The following PRR5L variants were observed in gnomAD, a reference collection of about 807,000 sequenced individuals.
PRR5L encodes proline rich 5 like.
PRR5L carries 21 observed loss-of-function variants against 36.4 expected under a neutral mutation model. The ratio of observed to expected loss-of-function variants is 0.58; its 90% CI spans 0.41 to 0.83. The LOEUF is 0.83. Ranked by LOEUF, PRR5L falls within the 40% of genes least tolerant of loss-of-function variation. PRR5L has a pLI of 0.00. For missense variants in PRR5L, 381 were observed against 473.3 expected (o/e 0.80, Z 1.81); for synonymous variants, 188 against 197.0 (o/e 0.95, Z 0.38).
intron 4 of PRR5L, chr11:36,425,551 C>T (rs954958778): frequency 1.3e-5 from 2 of 152,178 alleles, no homozygotes; most frequent in African/African-American, 2.4e-5. Context: ...CTTTTTAAGG[C>T]CCCAATGCAC....
Position 36,313,706 on chromosome 11 carries a change from A to C in PRR5L, c.-126+17268A>C, listed in dbSNP as rs544447070. ...AAGGTTCCAGAAGCAGCCAACCTGT[A>C]GTTTTAACAGCATGATTGACCTTGT... On this transcript the variant is annotated intron_variant, in intron 1 of 8. Transcript: ENST00000530639. 3.3e-5 allele frequency among the ~76,000 whole-genome samples: 5 copies of C among 152,360 alleles called. No individual in the cohort carries two copies. In the East Asian group the frequency reaches 9.6e-4, roughly 29 times the overall value.
chr11:36,397,521 A>C lies in PRR5L; in HGVS notation c.-125-3476A>C, dbSNP rs1327341893. On this transcript the variant is annotated intron_variant, in intron 1 of 8. Transcript: ENST00000530639. ...GCCCAGGCTGGAGTGCAGTGGTGCC[A>C]TCTTGGCTCACTGCAACCTCCACCT... Among the ~76,000 whole-genome samples the C allele has an allele frequency of 3.3e-5, 4 of 119,836 alleles. No individual in the cohort carries two copies. The East Asian group carries it at 9.9e-4, about 30-fold the overall frequency. The allele number at this position is 119,836 out of a possible 152,430, so 78.6% of individuals were successfully genotyped here.
At chr11:36,381,219 T>G (rs1457277919) in intron 1 of PRR5L, among the ~76,000 whole-genome samples, 1 of 152,164 alleles carries the variant, frequency 6.6e-6, no homozygotes, top group Non-Finnish European at 1.5e-5. Context: ...ACATTACCTA[T>G]TACAGAACTT....
At chr11:36,362,651 C>T (rs1857103193) in intron 1 of PRR5L, among the ~76,000 whole-genome samples, 1 of 152,214 alleles carries the variant, frequency 6.6e-6, no homozygotes, top group African/African-American at 2.4e-5. Flanking sequence ...CTCCCTTCTT[C>T]TCTCCACCCA....
chr11:36,446,601 T>C (rs1241042167), intron 7 of PRR5L, among the ~76,000 whole-genome samples, 161 bp downstream of exon 7: 4 of 152,208 alleles, frequency 2.6e-5, no homozygotes, highest in Non-Finnish European at 4.4e-5. Context: ...ATTCATTTGT[T>C]CATTTGAGGT....
chr11:36,403,742 T>C (rs1327521964), intron 3 of PRR5L, among the ~76,000 whole-genome samples: 1 of 152,220 alleles, frequency 6.6e-6, no homozygotes, highest in East Asian at 1.9e-4. Context: ...GAGGTTTTAT[T>C]GTGTTCTTCC....
chr11:36,313,421 G>C (rs908012349), intron 1 of PRR5L, among the ~76,000 whole-genome samples: 2 of 152,196 alleles, frequency 1.3e-5, no homozygotes, highest in Non-Finnish European at 1.5e-5. Context: ...AGTTATGTAT[G>C]TTTCAAGTTT....
At chr11:36,417,644 T>C (rs1858174875) in intron 3 of PRR5L, among the ~76,000 whole-genome samples, 1 of 152,226 alleles carries the variant, frequency 6.6e-6, no homozygotes, top group African/African-American at 2.4e-5. Context: ...TCAACGTGTG[T>C]TTGTGGCTTT....
At chr11:36,445,485 T>C (rs967244921) in intron 6 of PRR5L, among the ~76,000 whole-genome samples, 1 of 152,150 alleles carries the variant, frequency 6.6e-6, no homozygotes, top group Non-Finnish European at 1.5e-5. Flanking sequence ...TAGTGCATGT[T>C]GTATGTATTG....
chr11:36,364,127 CTG>C, intron 1 of PRR5L, among the ~76,000 whole-genome samples: 1 of 152,296 alleles, frequency 6.6e-6, no homozygotes, highest in East Asian at 1.9e-4. Flanking sequence ...ACTTACCTCT[CTG>C]TGCTTCAGTT....
At chr11:36,450,736 C>A (rs573032355) in intron 7 of PRR5L, among the ~76,000 whole-genome samples, 16 of 152,334 alleles carry the variant, frequency 1.1e-4, no homozygotes, top group African/African-American at 3.8e-4. Flanking sequence ...CATTTACTGG[C>A]TGTGTTTTTC....
intron 1 of PRR5L, among the ~76,000 whole-genome samples, chr11:36,306,912 A>T (rs1329095296): frequency 1.3e-5 from 2 of 152,280 alleles, no homozygotes; most frequent in East Asian, 1.9e-4. Context: ...TATAATGTTT[A>T]AAAAATAAAA....
chr11:36,430,570 C>A (rs1858472933), intron 4 of PRR5L, among the ~76,000 whole-genome samples: 1 of 152,186 alleles, frequency 6.6e-6, no homozygotes, highest in African/African-American at 2.4e-5. Flanking sequence ...AAGGCCCATT[C>A]ACTACTGACT....
Position 36,463,944 on chromosome 11 carries a change from A to T in PRR5L, c.*1208A>T, listed in dbSNP as rs908355591. ...AGAGGATTCTCCAGGAAGCATGGAA[A>T]ATGGAATGTTTCCATGCTTTACAGT... On this transcript the variant is annotated 3_prime_UTR_variant, in exon 9 of 9. Coordinates refer to ENST00000530639, the MANE Select transcript of PRR5L (RefSeq NM_001160167.2). 1 of 152,202 alleles carries T rather than the reference A, an allele frequency of 6.6e-6. No individual in the cohort carries two copies. Among genetic ancestry groups the T allele is most frequent in the Non-Finnish European group, 1.5e-5 (1 of 68,038 alleles). The allele number at this position is 152,202 out of a possible 1,614,324, so 9.4% of individuals were successfully genotyped here.
intron 1 of PRR5L, among the ~76,000 whole-genome samples, chr11:36,362,550 G>T (rs1857101784): frequency 6.6e-6 from 1 of 152,008 alleles, no homozygotes; most frequent in South Asian, 2.1e-4. Context: ...TGGGCAAGCA[G>T]AATTGACATA....
intron 1 of PRR5L, among the ~76,000 whole-genome samples, chr11:36,393,524 C>T (rs1334278701): frequency 6.6e-6 from 1 of 152,130 alleles, no homozygotes; most frequent in African/African-American, 2.4e-5. Context: ...CTATTCTGCT[C>T]CACTAATCTG....
intron 1 of PRR5L, among the ~76,000 whole-genome samples, chr11:36,300,715 C>G (rs1590420068): frequency 6.6e-6 from 1 of 152,142 alleles, no homozygotes; most frequent in African/African-American, 2.4e-5. Flanking sequence ...GAAGCCCAAG[C>G]CTGTCATTGC....
At chr11:36,411,189 C>T (rs1160037830) in intron 3 of PRR5L, among the ~76,000 whole-genome samples, 4 of 152,168 alleles carry the variant, frequency 2.6e-5, no homozygotes, top group South Asian at 4.1e-4. Context: ...TGACTCCATC[C>T]GAGGTGATTT....
chr11:36,340,219 T>G (rs921663545), intron 1 of PRR5L, among the ~76,000 whole-genome samples: 6 of 152,202 alleles, frequency 3.9e-5, no homozygotes, highest in African/African-American at 1.4e-4. Flanking sequence ...TGTCAGCATT[T>G]GCAAATTAGA....
Sources: gnomAD v4.1 joint callset for allele counts (sites outside exome capture counted in the v4.1 genomes callset) on GRCh38, gnomAD v4.1.1 for gene constraint, MANE v1.5 for transcripts, NCBI Gene and HGNC (gene_info 2026-07-23, HGNC 2026-07-21) for gene names.